The following RBPJ variants were observed in gnomAD, a reference collection of about 807,000 sequenced individuals.
RBPJ encodes recombining binding protein suppressor of hairless.
In RBPJ, 9 loss-of-function variants were observed where a neutral mutation model predicts 67.8. That is an observed-to-expected ratio of 0.13 (90% confidence interval 0.08 to 0.23). The LOEUF is 0.23. Ranked by LOEUF, RBPJ falls within the 10% of genes least tolerant of loss-of-function variation. RBPJ has a pLI of 1.00. For missense variants in RBPJ, 305 were observed against 595.6 expected (o/e 0.51, Z 5.08); for synonymous variants, 198 against 203.3 (o/e 0.97, Z 0.22).
At chr4:26,353,137 C>G (rs534468676) in intron 1 of RBPJ, among the ~76,000 whole-genome samples, 28 of 152,316 alleles carry the variant, frequency 1.8e-4, no homozygotes, top group Admixed American at 7.2e-4. Flanking sequence ...TTAAAATATT[C>G]ACCTGTTGCT....
intron 1 of RBPJ, among the ~76,000 whole-genome samples, chr4:26,360,756 G>T (rs917523893): frequency 1.3e-5 from 2 of 150,804 alleles, no homozygotes; most frequent in African/African-American, 4.9e-5. Flanking sequence ...TAATGTTTGG[G>T]TTTTTTTTAT....
rs71643604 is a variant in RBPJ at position 26,254,843 on chromosome 4, A to ATTTTTT, written c.-167+91261_-167+91266dup. Among the ~76,000 whole-genome samples, 14 of 16,548 alleles carry ATTTTTT rather than the reference A, an allele frequency of 8.5e-4. 6 individuals carry two copies. Among genetic ancestry groups the ATTTTTT allele is most frequent in the Non-Finnish European group, 9.8e-4 (9 of 9,214 alleles). The allele number at this position is 16,548 out of a possible 152,430, so 10.9% of individuals were successfully genotyped here. A position where few individuals can be genotyped will look rare whatever the true frequency, so the allele number is the denominator to read the frequency against. ...CAGGTGCATGCCACCATGCCCAGCT[A>ATTTTTT]TTTTTTTTTTTTTTTTTTTTTTTTT... On this transcript the variant is annotated intron_variant, in intron 1 of 4. Coordinates refer to the RBPJ transcript ENST00000512351.
intron 5 of RBPJ, among the ~76,000 whole-genome samples, chr4:26,421,896 T>C (rs1735176647): frequency 6.6e-6 from 1 of 152,194 alleles, no homozygotes; most frequent in Non-Finnish European, 1.5e-5. Flanking sequence ...TGTCTTTTTA[T>C]AGTTTTTTTG....
At chr4:26,124,398 G>A in the RBPJ span, among the ~76,000 whole-genome samples, 1 of 113,422 alleles carries the variant, frequency 8.8e-6, no homozygotes, top group Admixed American at 1.1e-4. Flanking sequence ...CCTTTTTATG[G>A]CTGAGTAGTA....
chr4:26,413,592 T>C (rs1734258108), intron 3 of RBPJ, among the ~76,000 whole-genome samples: 1 of 152,250 alleles, frequency 6.6e-6, no homozygotes, highest in Non-Finnish European at 1.5e-5. Flanking sequence ...CCCAGCTTAC[T>C]TCTTGTAAGT....
At chr4:26,399,818 A>G (rs1051648321) in intron 2 of RBPJ, among the ~76,000 whole-genome samples, 2 of 152,060 alleles carry the variant, frequency 1.3e-5, no homozygotes, top group African/African-American at 4.8e-5. Flanking sequence ...AGCTGAGACT[A>G]TAGGCGCGTG....
chr4:26,428,495 A>C (rs1015558811), intron 7 of RBPJ: 1 of 407,298 alleles, frequency 2.5e-6, no homozygotes, highest in South Asian at 4.9e-5. Flanking sequence ...TTAGATGTTC[A>C]GGGAAGAGGG....
intron 2 of RBPJ, among the ~76,000 whole-genome samples, chr4:26,403,436 A>G (rs998084757): frequency 1.3e-5 from 2 of 152,186 alleles, no homozygotes; most frequent in Non-Finnish European, 2.9e-5. Context: ...GGTTTGTTAC[A>G]TAGGTAAACT....
At chr4:26,137,081 A>G in the RBPJ span, among the ~76,000 whole-genome samples, 1 of 152,190 alleles carries the variant, frequency 6.6e-6, no homozygotes, top group African/African-American at 2.4e-5. Context: ...GGGATGCTCC[A>G]CTAGGTTCCC....
At chr4:26,173,783 A>G (rs1188995393) in intron 1 of RBPJ, among the ~76,000 whole-genome samples, 2 of 152,228 alleles carry the variant, frequency 1.3e-5, no homozygotes, top group Non-Finnish European at 2.9e-5. Flanking sequence ...CTGCATCTCC[A>G]CGGGCTGGGC....
chr4:26,307,103 C>T (rs577761830), intron 1 of RBPJ, among the ~76,000 whole-genome samples: 61 of 152,324 alleles, frequency 4.0e-4, no homozygotes, highest in Admixed American at 5.9e-4. Context: ...AATCCCACTT[C>T]TAGGAGTATG....
chr4:26,182,849 C>T lies in RBPJ; in HGVS notation c.-167+19235C>T, dbSNP rs188185763. Among the ~76,000 whole-genome samples the T allele has an allele frequency of 3.7e-3, 566 of 152,250 alleles. 3 individuals carry two copies. Among genetic ancestry groups the T allele is most frequent in the South Asian group, 0.013 (61 of 4,828 alleles). ...TAAGACACACACACATTAGCATAGG[C>T]CTCCACAGGGCCAGGATCATCAGTA... On this transcript the variant is annotated intron_variant, in intron 1 of 4. Transcript: ENST00000512351.
chr4:26,354,451 G>GT (rs35328021), intron 1 of RBPJ, among the ~76,000 whole-genome samples: 2,377 of 117,450 alleles, frequency 0.02, 55 homozygotes, highest in African/African-American at 0.048. Context: ...AAAGATTTCT[G>GT]TTTTTTTTTT....
chr4:26,330,350 T>G (rs1284563685), intron 1 of RBPJ, among the ~76,000 whole-genome samples: 1 of 152,232 alleles, frequency 6.6e-6, no homozygotes, highest in African/African-American at 2.4e-5. Context: ...TGAATATGGC[T>G]TGAGCAGATT....
At chr4:26,283,216 A>C in intron 1 of RBPJ, among the ~76,000 whole-genome samples, 1 of 142,384 alleles carries the variant, frequency 7.0e-6, no homozygotes, top group African/African-American at 2.5e-5. Context: ...GGCAGGAGCC[A>C]CCGCTCCCGG....
At chr4:26,157,104 C>CA in the RBPJ span, among the ~76,000 whole-genome samples, 1 of 36,234 alleles carries the variant, frequency 2.8e-5, no homozygotes, top group African/African-American at 6.4e-5. Flanking sequence ...CAAACAAAAA[C>CA]AAACAAACAA....
intron 1 of RBPJ, among the ~76,000 whole-genome samples, chr4:26,339,669 A>G (rs112727868): frequency 0.012 from 1,874 of 151,980 alleles, 40 homozygotes; most frequent in African/African-American, 0.043. Flanking sequence ...TCTGTAACAT[A>G]CAGTGTGTAA....
intron 1 of RBPJ, among the ~76,000 whole-genome samples, chr4:26,310,157 C>G (rs1253416633): frequency 6.6e-6 from 1 of 152,152 alleles, no homozygotes; most frequent in Admixed American, 6.5e-5. Flanking sequence ...ATTTTTGTTT[C>G]TCAAGTTCTC....
intron 1 of RBPJ, among the ~76,000 whole-genome samples, chr4:26,303,049 C>T (rs1000118916): frequency 2.0e-5 from 3 of 151,782 alleles, no homozygotes; most frequent in Non-Finnish European, 2.9e-5. Context: ...GGCATGGTAA[C>T]GCATGCCTGT....
Sources: gnomAD v4.1 joint callset for allele counts (sites outside exome capture counted in the v4.1 genomes callset) on GRCh38, gnomAD v4.1.1 for gene constraint, MANE v1.5 for transcripts, NCBI Gene and HGNC (gene_info 2026-07-23, HGNC 2026-07-21) for gene names.